Variants in AOPEP observed in about 807,000 individuals in gnomAD.
AOPEP encodes aminopeptidase O.
A neutral mutation model predicts 98.1 loss-of-function variants in AOPEP; 77 were observed. The observed-to-expected ratio is 0.78, with a 90% CI of 0.65 to 0.95. The LOEUF is 0.95. Ranked by LOEUF, AOPEP falls within the 40% of genes least tolerant of loss-of-function variation. The probability of loss-of-function intolerance (pLI) is 0.00; values close to 1 mark genes in which losing one functional copy is unlikely to be tolerated. For synonymous variants in AOPEP, 346 were observed against 365.3 expected (o/e 0.95, Z 0.60); for missense variants, 1,024 against 1,024.7 (o/e 1.00, Z 0.01).
intron 14 of AOPEP, among the ~76,000 whole-genome samples, chr9:95,070,178 C>T (rs1470810192): frequency 6.6e-6 from 1 of 152,220 alleles, no homozygotes; most frequent in African/African-American, 2.4e-5. Context: ...ACTGGAATGC[C>T]GTTTGCCCTG....
At chr9:94,826,974 C>T (rs961348594) in intron 5 of AOPEP, among the ~76,000 whole-genome samples, 3 of 152,222 alleles carry the variant, frequency 2.0e-5, no homozygotes, top group African/African-American at 7.2e-5. Flanking sequence ...CTTCCCTCTA[C>T]ATAACATGCC....
intron 10 of AOPEP, among the ~76,000 whole-genome samples, chr9:94,968,891 G>A (rs888998871): frequency 6.6e-6 from 1 of 152,180 alleles, no homozygotes; most frequent in Non-Finnish European, 1.5e-5. Flanking sequence ...TCATGATAGT[G>A]ATTATTATAA....
chr9:95,059,593 AGAT>A (rs989140840), intron 13 of AOPEP, among the ~76,000 whole-genome samples: 7 of 152,288 alleles, frequency 4.6e-5, no homozygotes, highest in Non-Finnish European at 8.8e-5. Flanking sequence ...GGGGGCAGAA[AGAT>A]GAGGAGCAGG....
chr9:95,012,731 C>T (rs945618419), intron 13 of AOPEP, among the ~76,000 whole-genome samples: 1 of 151,834 alleles, frequency 6.6e-6, no homozygotes, highest in Non-Finnish European at 1.5e-5. Flanking sequence ...GGTCTGTGCC[C>T]ACAGAAGAGT....
At chr9:94,950,759 G>A (rs2137827711) in intron 7 of AOPEP, among the ~76,000 whole-genome samples, 1 of 152,338 alleles carries the variant, frequency 6.6e-6, no homozygotes, top group South Asian at 2.1e-4. Flanking sequence ...ATCTCTTGTG[G>A]CTCTCATGCT....
chr9:94,995,221 C>T (rs559785767), intron 11 of AOPEP, among the ~76,000 whole-genome samples: 50 of 152,174 alleles, frequency 3.3e-4, no homozygotes, highest in Non-Finnish European at 5.3e-4. Flanking sequence ...TTTATTATGA[C>T]GTCACAACTC....
At chr9:95,052,073 T>C (rs2066424887) in intron 13 of AOPEP, among the ~76,000 whole-genome samples, 1 of 152,238 alleles carries the variant, frequency 6.6e-6, no homozygotes, top group Admixed American at 6.5e-5. Flanking sequence ...GAACCACTCC[T>C]GGTCTGAATT....
chr9:94,897,668 C>G (rs2049760917), intron 5 of AOPEP, among the ~76,000 whole-genome samples: 1 of 152,064 alleles, frequency 6.6e-6, no homozygotes, highest in East Asian at 1.9e-4. Context: ...CTTATTTTAT[C>G]AAGTGTTCTA....
At chr9:95,074,981 G>A (rs2068894777) in intron 14 of AOPEP, among the ~76,000 whole-genome samples, 1 of 152,194 alleles carries the variant, frequency 6.6e-6, no homozygotes, top group Admixed American at 6.5e-5. Context: ...CCAGGACCCT[G>A]TGCTCACTGC....
Position 94,802,924 on chromosome 9 carries a change from G to A in AOPEP, c.1364+1922G>A, listed in dbSNP as rs902171070. 3.4e-4 allele frequency among the ~76,000 whole-genome samples: 51 copies of A among 152,116 alleles called. 1 individual carries two copies. Among genetic ancestry groups the A allele is most frequent in the African/African-American group, 1.2e-3 (49 of 41,418 alleles). On this transcript the variant is annotated intron_variant, in intron 5 of 16. Coordinates refer to ENST00000375315, the MANE Select transcript of AOPEP (RefSeq NM_001193329.3). ...CCAAACTCTGGCTTCAATTGATTCT[G>A]CTTGCTTGGCTTGACTCTGTCGGGA...
the AOPEP span, among the ~76,000 whole-genome samples, chr9:95,125,453 T>C: frequency 6.6e-6 from 1 of 152,188 alleles, no homozygotes; most frequent in African/African-American, 2.4e-5. Flanking sequence ...CAGGCTTGCA[T>C]ACTCTGTACA....
intron 13 of AOPEP, among the ~76,000 whole-genome samples, chr9:95,051,904 T>C (rs1032192137): frequency 5.3e-5 from 8 of 151,990 alleles, no homozygotes; most frequent in Non-Finnish European, 7.4e-5. Flanking sequence ...AGGGTTTCAC[T>C]GTGTTAGCCA....
At chr9:94,977,983 C>T (rs567493808) in intron 10 of AOPEP, among the ~76,000 whole-genome samples, 4 of 152,248 alleles carry the variant, frequency 2.6e-5, no homozygotes, top group East Asian at 1.9e-4. Context: ...CTAGGGAGGA[C>T]GAGGGGCACC....
At chr9:95,002,227 C>T (rs1441286906) in intron 11 of AOPEP, among the ~76,000 whole-genome samples, 2 of 152,142 alleles carry the variant, frequency 1.3e-5, no homozygotes, top group East Asian at 1.9e-4. Context: ...AAGACTTCTC[C>T]CCCTTGAAAT....
At chr9:94,888,988 G>A (rs1174554369) in intron 5 of AOPEP, among the ~76,000 whole-genome samples, 1 of 152,044 alleles carries the variant, frequency 6.6e-6, no homozygotes, top group African/African-American at 2.4e-5. Flanking sequence ...CTTGCTTAGA[G>A]CTCTAGCGGC....
chr9:94,748,024 A>G (rs1186704790), intron 1 of AOPEP, among the ~76,000 whole-genome samples: 1 of 152,230 alleles, frequency 6.6e-6, no homozygotes, highest in Admixed American at 6.5e-5. Flanking sequence ...AAAACTTTGG[A>G]TAAATTAACC....
the AOPEP span, among the ~76,000 whole-genome samples, chr9:95,128,172 G>A: frequency 1.3e-5 from 2 of 152,106 alleles, no homozygotes; most frequent in African/African-American, 2.4e-5. Context: ...TTATTAAGAG[G>A]TCACCGGATA....
chr9:95,115,564 C>T, the AOPEP span, among the ~76,000 whole-genome samples: 4 of 152,222 alleles, frequency 2.6e-5, no homozygotes, highest in Non-Finnish European at 5.9e-5. Context: ...GAGTGAGCTG[C>T]TCTGGTTTCA....
intron 7 of AOPEP, among the ~76,000 whole-genome samples, chr9:94,943,217 A>G (rs1391608313): frequency 1.3e-5 from 2 of 152,240 alleles, no homozygotes; most frequent in Non-Finnish European, 2.9e-5. Context: ...TTTGCAAATC[A>G]TATATCTGTT....
Sources: gnomAD v4.1 joint callset for allele counts (sites outside exome capture counted in the v4.1 genomes callset) on GRCh38, gnomAD v4.1.1 for gene constraint, MANE v1.5 for transcripts, NCBI Gene and HGNC (gene_info 2026-07-23, HGNC 2026-07-21) for gene names.